The following NEURL1 variants were observed in gnomAD, a reference collection of about 807,000 sequenced individuals.
The protein encoded by NEURL1 is neuralized E3 ubiquitin protein ligase 1, also known as E3 ubiquitin-protein ligase NEURL1.
NEURL1 carries 26 observed loss-of-function variants against 41.2 expected under a neutral mutation model. That is an observed-to-expected ratio of 0.63 (90% CI 0.46 to 0.87). The LOEUF is 0.87. NEURL1 is among the 40% of genes least tolerant of loss of function. The probability of loss-of-function intolerance (pLI) is 0.00; values close to 1 mark genes in which losing one functional copy is unlikely to be tolerated. For missense variants in NEURL1, 761 were observed against 871.1 expected (o/e 0.87, Z 1.59); for synonymous variants, 400 against 402.3 (o/e 0.99, Z 0.07).
intron 1 of NEURL1, among the ~76,000 whole-genome samples, chr10:103,519,766 G>GTT (rs56157306): frequency 6.0e-5 from 9 of 150,344 alleles, no homozygotes; most frequent in East Asian, 2.0e-4. Flanking sequence ...ACCAGCAATA[G>GTT]TTTTTTGTTG....
rs1205426150 is a variant in NEURL1, at chr10:103,508,273, A to T, written c.85+13801A>T. On this transcript the variant is annotated intron_variant, in intron 1 of 5. Coordinates refer to ENST00000369780, the MANE Select transcript of NEURL1 (RefSeq NM_004210.5). This position sits in a 1 kb window ranked among gnomAD's most constrained non-coding sequence, Gnocchi z 4.3. ...ATTCACAGCACACTTTACAGAGGAG[A>T]CACTGAGTCCGAATTGCCACAGGAC... Among the ~76,000 whole-genome samples the T allele has an allele frequency of 2.6e-5, 4 of 152,150 alleles. No individual in the cohort carries two copies. Among genetic ancestry groups the T allele is most frequent in the African/African-American group, 4.8e-5 (2 of 41,436 alleles).
At chr10:103,573,874 G>A (rs2035600178) in intron 3 of NEURL1, among the ~76,000 whole-genome samples, 1 of 152,204 alleles carries the variant, frequency 6.6e-6, no homozygotes, top group African/African-American at 2.4e-5. Context: ...AAACCTTCCT[G>A]GGCGGAATTC....
intron 1 of NEURL1, among the ~76,000 whole-genome samples, chr10:103,530,316 C>T (rs569343188): frequency 1.3e-5 from 2 of 151,252 alleles, no homozygotes; most frequent in Non-Finnish European, 2.9e-5. Context: ...TCATTTATTC[C>T]TATAAACTTT....
intron 1 of NEURL1, among the ~76,000 whole-genome samples, chr10:103,532,920 C>CTTTTTT (rs144783148): frequency 2.6e-3 from 166 of 63,614 alleles, no homozygotes; most frequent in Non-Finnish European, 3.3e-3. Context: ...TTCTCTTCTC[C>CTTTTTT]TTTTTTTTTT....
At chr10:103,541,255 A>G (rs964059968) in intron 1 of NEURL1, among the ~76,000 whole-genome samples, 3 of 152,172 alleles carry the variant, frequency 2.0e-5, no homozygotes, top group African/African-American at 7.2e-5. Flanking sequence ...GATTAAACAT[A>G]CATACATACA....
chr10:103,578,244 G>C (rs1049614867), intron 3 of NEURL1, among the ~76,000 whole-genome samples: 2 of 151,982 alleles, frequency 1.3e-5, no homozygotes, highest in Non-Finnish European at 2.9e-5. Context: ...AAATGAGAAG[G>C]GCTTTTGTCT....
chr10:103,562,132 C>T lies in NEURL1; in HGVS notation c.86-8740C>T, dbSNP rs553192674. Among the ~76,000 whole-genome samples the T allele has an allele frequency of 1.1e-4, 16 of 152,352 alleles. No homozygotes were observed. The South Asian group carries it at 1.7e-3, about 16-fold the overall frequency. The stretch of plus-strand genomic sequence containing the variant: ...GGGCACCATGGCTTACGCCTGTAAT[C>T]CCAGCATTTTGGGAGGCCTAGGCGG... On this transcript the variant is annotated intron_variant, in intron 1 of 5. Coordinates refer to ENST00000369780, the MANE Select transcript of NEURL1 (RefSeq NM_004210.5).
intron 3 of NEURL1, among the ~76,000 whole-genome samples, chr10:103,574,457 C>T (rs2035615515): frequency 6.6e-6 from 1 of 152,194 alleles, no homozygotes; most frequent in African/African-American, 2.4e-5. Flanking sequence ...AGGGATGTGG[C>T]AGAGCTGGGA....
chr10:103,537,229 G>A (rs1336878229), intron 1 of NEURL1, among the ~76,000 whole-genome samples: 1 of 152,118 alleles, frequency 6.6e-6, no homozygotes, highest in African/African-American at 2.4e-5. Flanking sequence ...TATGAACATG[G>A]GTTTATGAAT....
chr10:103,514,757 A>G (rs1239512370), intron 1 of NEURL1, among the ~76,000 whole-genome samples: 1 of 152,040 alleles, frequency 6.6e-6, no homozygotes, highest in African/African-American at 2.4e-5. Flanking sequence ...AAACCCAGGG[A>G]CCCTAAGGGC....
At chr10:103,513,066 A>AC (rs1266161266) in intron 1 of NEURL1, among the ~76,000 whole-genome samples, 4 of 146,826 alleles carry the variant, frequency 2.7e-5, no homozygotes, top group African/African-American at 2.5e-5. Context: ...CTCCATTGAC[A>AC]CCCCCCCAGG....
intron 5 of NEURL1, among the ~76,000 whole-genome samples, chr10:103,589,892 G>T (rs958324944): frequency 5.3e-5 from 8 of 152,156 alleles, no homozygotes; most frequent in Admixed American, 2.6e-4. Context: ...CCTCCATCTT[G>T]CCTTCTTTTC....
At chr10:103,560,737 C>T (rs981858134) in intron 1 of NEURL1, among the ~76,000 whole-genome samples, 1 of 152,110 alleles carries the variant, frequency 6.6e-6, no homozygotes, top group Non-Finnish European at 1.5e-5. Flanking sequence ...TAGCTGGAGC[C>T]CGTGGAGGAA....
At position 103,584,788 on chromosome 10, in the gene NEURL1, C is replaced by G. The variant is rs1296058393; in HGVS notation, c.902C>G (p.Ala301Gly). ...GACCTGCGTTTCCACGCCCTGCGCG[C>G]CGGCGCGCACGTCCGCATCCTCGAC... is the stretch of plus-strand genomic sequence containing the variant. ...DGDLRFHALR[A>G]GAHVRILDEQ... Residue 301 changes from alanine to glycine, a missense_variant, in exon 4 of 6, where the codon GCC becomes GGC. This residue lies in a region of NEURL1 where 443 missense variants were observed against 408.1 expected (regional missense o/e 1.09). Coordinates refer to ENST00000369780, the MANE Select transcript of NEURL1 (RefSeq NM_004210.5). The G allele has an allele frequency of 7.0e-7, 1 of 1,436,654 alleles. No individual in the cohort carries two copies. Among genetic ancestry groups the G allele is most frequent in the Non-Finnish European group, 9.1e-7 (1 of 1,100,092 alleles). 89.0% of individuals were successfully genotyped at this position (1,436,654 alleles called of 1,614,324 possible).
At position 103,571,517 on chromosome 10, in the gene NEURL1, G is replaced by A. The variant is rs2035543573; in HGVS notation, c.344G>A (p.Cys115Tyr). The A allele has an allele frequency of 2.5e-6, 4 of 1,605,562 alleles. No homozygotes were observed. The highest frequency in any genetic ancestry group is 3.4e-6 in the Non-Finnish European group (4 of 1,179,432). ...GCCACCCAGATCACCAAGAAGCAGT[G>A]CTGCTGGAGCGGGGCCCTGCGGCTG... is the stretch of plus-strand genomic sequence containing the variant. ...QVRLKITKKQ[C>Y]CWSGALRLGF... is the part of the protein sequence containing the mutation. The change falls in exon 3 of 6, where the codon TGC (cysteine) becomes TAC (tyrosine). Residue 115 changes from cysteine to tyrosine, a missense_variant. Coordinates refer to ENST00000369780, the MANE Select transcript of NEURL1 (RefSeq NM_004210.5).
rs531039437 is a variant in NEURL1 at position 103,547,896 on chromosome 10, G to T, written c.86-22976G>T. Among the ~76,000 whole-genome samples, 5 of 152,086 alleles carry T rather than the reference G, an allele frequency of 3.3e-5. No individual in the cohort carries two copies. In the East Asian group the frequency reaches 9.7e-4, roughly 29 times the overall value. ...CCCATGTCTTGTTCCAGCACATCCC[G>T]CGCTCATCCTGTCTCCTGCGACACC... is the stretch of plus-strand genomic sequence containing the variant. On this transcript the variant is annotated intron_variant, in intron 1 of 5. Transcript: ENST00000369780.
At chr10:103,521,503 C>A (rs10786756) in intron 1 of NEURL1, among the ~76,000 whole-genome samples, 1 of 151,862 alleles carries the variant, frequency 6.6e-6, no homozygotes, top group South Asian at 2.1e-4. Flanking sequence ...CAATCCCTGA[C>A]GAGTAGCAGA....
At chr10:103,530,497 G>A (rs896956509) in intron 1 of NEURL1, among the ~76,000 whole-genome samples, 2 of 150,814 alleles carry the variant, frequency 1.3e-5, no homozygotes, top group African/African-American at 4.9e-5. Flanking sequence ...ACAAATTGTT[G>A]TTACTGATTT....
rs1381623422 is a variant in NEURL1 at position 103,523,455 on chromosome 10, C to CAA, written c.85+28993_85+28994dup. On this transcript the variant is annotated intron_variant, in intron 1 of 5. Coordinates refer to ENST00000369780, the MANE Select transcript of NEURL1 (RefSeq NM_004210.5). ...TGGGTGACATAACAAGACCTTGTCT[C>CAA]AAAAAAAAAAAGAAAAGAAAAAGAA... Among the ~76,000 whole-genome samples the CAA allele has an allele frequency of 3.5e-3, 453 of 129,944 alleles. 1 individual carries two copies. Among genetic ancestry groups the CAA allele is most frequent in the African/African-American group, 0.011 (394 of 35,226 alleles). The allele number at this position is 129,944 out of a possible 152,430, so 85.2% of individuals were successfully genotyped here. A position where few individuals can be genotyped will look rare whatever the true frequency, so the allele number is the denominator to read the frequency against.
Sources: gnomAD v4.1 joint callset for allele counts (sites outside exome capture counted in the v4.1 genomes callset) on GRCh38, gnomAD v4.1.1 for gene constraint, gnomAD v4.1.1 regional missense constraint, Gnocchi (gnomAD v3.1) non-coding constraint, MANE v1.5 for transcripts, NCBI Gene and HGNC (gene_info 2026-07-23, HGNC 2026-07-21) for gene names.